The following PTPRQ variants were observed in gnomAD, a reference collection of about 807,000 sequenced individuals.
The protein encoded by PTPRQ is phosphatidylinositol phosphatase PTPRQ.
PTPRQ carries 199 observed loss-of-function variants against 246.0 expected under a neutral mutation model. The ratio of observed to expected loss-of-function variants is 0.81; its 90% CI spans 0.72 to 0.91. The LOEUF (loss-of-function observed/expected upper bound fraction) is 0.91. Among genes scored for constraint, PTPRQ ranks in the 40% least tolerant of loss-of-function variants. PTPRQ has a pLI of 0.00. For synonymous variants in PTPRQ, 869 were observed against 853.2 expected (o/e 1.02, Z -0.32); for missense variants, 2,624 against 2,528.4 (o/e 1.04, Z -0.81).
intron 19 of PTPRQ, among the ~76,000 whole-genome samples, chr12:80,538,870 T>C (rs894968162): frequency 1.3e-5 from 2 of 152,094 alleles, no homozygotes; most frequent in African/African-American, 4.8e-5. Context: ...TTATTTCCAT[T>C]TTACAGTTGA....
In PTPRQ at chr12:80,541,860, T is replaced by G; in HGVS notation, c.3445+15T>G. The G allele has an allele frequency of 6.6e-7, 1 of 1,513,504 alleles. No individual in the cohort carries two copies. The highest frequency in any genetic ancestry group is 8.8e-7 in the Non-Finnish European group (1 of 1,133,416). 93.8% of individuals were successfully genotyped at this position (1,513,504 alleles called of 1,614,324 possible). On this transcript the variant is annotated intron_variant, in intron 21 of 44. Transcript: ENST00000644991. ...TGAAGAAGATGGTAGGCTAGACCCTTTTATTGTCTGTTAAGCAGATTGTTG... is the reference window on the plus strand; with the variant it reads ...TGAAGAAGATGGTAGGCTAGACCCTGTTATTGTCTGTTAAGCAGATTGTTG...
chr12:80,466,062 A>C (rs1021974048), intron 6 of PTPRQ, among the ~76,000 whole-genome samples: 6 of 152,202 alleles, frequency 3.9e-5, no homozygotes, highest in Non-Finnish European at 8.8e-5. Flanking sequence ...GAGGAAGTCA[A>C]AATGTCCCTG....
chr12:80,670,470 A>C lies in PTPRQ; in HGVS notation c.6580A>C (p.Thr2194Pro), dbSNP rs760517318. 24 of 1,550,586 alleles carry C rather than the reference A, an allele frequency of 1.5e-5. No homozygotes were observed. The highest frequency in any genetic ancestry group is 2.7e-5 in the African/African-American group (2 of 72,930). ...LVRASRAHDT[T>P]PMIVHCSAGV... ...TCGAGCAAGCAGGGCACATGACACC[A>C]CACCTATGATTGTTCACTGCAGGTG... is the stretch of plus-strand genomic sequence containing the variant. Residue 2194 changes from threonine (T) to proline (P), a missense_variant, in exon 42 of 45, where the codon ACA becomes CCA. Thr to Pro is a conservative substitution (Grantham distance 38). Transcript: ENST00000644991.
intron 35 of PTPRQ, among the ~76,000 whole-genome samples, chr12:80,642,931 A>ACAAAAAAAAC (rs1565836922): frequency 8.7e-6 from 1 of 115,018 alleles, no homozygotes; most frequent in Admixed American, 8.6e-5. Context: ...AAAAAAAAAA[A>ACAAAAAAAAC]AAAAAAAAAA....
chr12:80,514,271 C>G (rs4426187), intron 17 of PTPRQ, among the ~76,000 whole-genome samples: 1 of 151,036 alleles, frequency 6.6e-6, no homozygotes, highest in African/African-American at 2.4e-5. Flanking sequence ...TTATAACTAC[C>G]TAATTGTAAA....
intron 17 of PTPRQ, among the ~76,000 whole-genome samples, chr12:80,526,806 A>G (rs1895700318): frequency 6.6e-6 from 1 of 152,110 alleles, no homozygotes; most frequent in South Asian, 2.1e-4. Context: ...AAAATTAATG[A>G]GCTTTTGTTT....
At chr12:80,572,542 G>A (rs1897174528) in intron 25 of PTPRQ, among the ~76,000 whole-genome samples, 1 of 152,058 alleles carries the variant, frequency 6.6e-6, no homozygotes, top group Non-Finnish European at 1.5e-5. Flanking sequence ...TGACTCTCCA[G>A]TACAGTGTTA....
chr12:80,669,131 A>G lies in PTPRQ; in HGVS notation c.6317A>G (p.Glu2106Gly). 1 of 1,545,902 alleles carries G rather than the reference A, an allele frequency of 6.5e-7. No homozygotes were observed. The highest frequency in any genetic ancestry group is 1.2e-5 in the South Asian group (1 of 82,514). The change falls in exon 40 of 45, where the codon GAA (glutamate) becomes GGA (glycine). Residue 2106 changes from glutamate to glycine, a missense_variant. By Grantham distance (98) the Glu-to-Gly change is moderately conservative (BLOSUM62 -2). Transcript: ENST00000644991. ...TTAGTAATGCTAACACAGTGTTTTG[A>G]AAAAGGACGGGTAAGTTATTTGAAA... ...KTLVMLTQCF[E>G]KGRIRCHQYW...
chr12:80,542,041 A>G (rs1433629794), intron 21 of PTPRQ, 48 bp from the exon 22 acceptor site: 5 of 1,511,966 alleles, frequency 3.3e-6, no homozygotes, highest in Non-Finnish European at 4.4e-6. Context: ...TCTTTTTTTA[A>G]TGCTGATTCA....
intron 33 of PTPRQ, among the ~76,000 whole-genome samples, chr12:80,623,020 CCA>C (rs1288001544): frequency 6.6e-6 from 1 of 151,964 alleles, no homozygotes; most frequent in Non-Finnish European, 1.5e-5. Flanking sequence ...CTCAAAAGCC[CCA>C]GTTTATTCGT....
intron 6 of PTPRQ, among the ~76,000 whole-genome samples, chr12:80,467,372 G>C (rs1893463142): frequency 6.6e-6 from 1 of 152,156 alleles, no homozygotes; most frequent in Admixed American, 6.5e-5. Flanking sequence ...TGCTGGAGAA[G>C]ATGTGGAGAA....
At chr12:80,512,552 A>C (rs1450048351) in intron 17 of PTPRQ, 2 of 152,202 alleles carry the variant, frequency 1.3e-5, no homozygotes, top group African/African-American at 4.8e-5. Context: ...ACCACCTCTT[A>C]AGAATATAGC....
chr12:80,653,252 A>T (rs1350956063), intron 38 of PTPRQ, among the ~76,000 whole-genome samples: 1 of 152,200 alleles, frequency 6.6e-6, no homozygotes, highest in Non-Finnish European at 1.5e-5. Context: ...TAAAATATTC[A>T]TTGAAGACCA....
At chr12:80,618,927 GA>G (rs1442667081) in intron 30 of PTPRQ, among the ~76,000 whole-genome samples, 1 of 151,382 alleles carries the variant, frequency 6.6e-6, no homozygotes, top group Admixed American at 6.6e-5. Context: ...TGTGAACATG[GA>G]AAAAAATATG....
In PTPRQ at chr12:80,619,549, T is replaced by C; in HGVS notation, c.5389+7T>C. 1 of 1,511,644 alleles carries C rather than the reference T, an allele frequency of 6.6e-7. No individual in the cohort carries two copies. The allele number at this position is 1,511,644 out of a possible 1,614,324, so 93.6% of individuals were successfully genotyped here. A position where few individuals can be genotyped will look rare whatever the true frequency, so the allele number is the denominator to read the frequency against. On this transcript the variant is annotated splice_region_variant and intron_variant, in intron 31 of 44. Transcript: ENST00000644991. ...CTTGTGACAGAAACAGGAGGTATCATCACATGTCAATTTATCTTGTTAAAT... is the reference window on the plus strand; with the variant it reads ...CTTGTGACAGAAACAGGAGGTATCACCACATGTCAATTTATCTTGTTAAAT...
chr12:80,483,694 CATCTACA>C (rs1245651683), intron 8 of PTPRQ, among the ~76,000 whole-genome samples: 4 of 133,464 alleles, frequency 3.0e-5, no homozygotes, highest in African/African-American at 1.5e-4. Context: ...ATCAAAGTGT[CATCTACA>C]TTAGGTACTT....
chr12:80,467,227 A>T (rs1893456293), intron 6 of PTPRQ, among the ~76,000 whole-genome samples: 1 of 152,184 alleles, frequency 6.6e-6, no homozygotes, highest in African/African-American at 2.4e-5. Flanking sequence ...AAAAGAAGAC[A>T]TTTATGCAGC....
intron 23 of PTPRQ, among the ~76,000 whole-genome samples, chr12:80,545,091 G>A (rs1205111935): frequency 6.6e-6 from 1 of 152,044 alleles, no homozygotes; most frequent in African/African-American, 2.4e-5. Context: ...CTTGGGTTCA[G>A]TTGTTTCTCT....
At chr12:80,637,245 C>T (rs140713912) in intron 35 of PTPRQ, among the ~76,000 whole-genome samples, 3 of 151,936 alleles carry the variant, frequency 2.0e-5, no homozygotes, top group African/African-American at 7.2e-5. Flanking sequence ...AGAAAAGTTT[C>T]AGATCATGAA....
Sources: gnomAD v4.1 joint callset for allele counts (sites outside exome capture counted in the v4.1 genomes callset) on GRCh38, gnomAD v4.1.1 for gene constraint, MANE v1.5 for transcripts, NCBI Gene and HGNC (gene_info 2026-07-23, HGNC 2026-07-21) for gene names.